CCT3: variants seen among roughly 807,000 people sequenced by gnomAD.
CCT3 encodes the protein T-complex protein 1 subunit gamma.
A neutral mutation model predicts 65.3 loss-of-function variants in CCT3; 10 were observed. The ratio of observed to expected loss-of-function variants is 0.15; its 90% CI spans 0.09 to 0.26. The LOEUF (loss-of-function observed/expected upper bound fraction) is 0.26. Ranked by LOEUF, CCT3 falls within the 10% of genes least tolerant of loss-of-function variation. The probability of loss-of-function intolerance (pLI) is 1.00; values close to 1 mark genes in which losing one functional copy is unlikely to be tolerated. For synonymous variants in CCT3, 225 were observed against 242.3 expected (o/e 0.93, Z 0.66); for missense variants, 626 against 708.7 (o/e 0.88, Z 1.33).
intron 7 of CCT3, 98 bp from the exon 8 acceptor site, chr1:156,319,115 G>GC: frequency 1.3e-6 from 1 of 778,258 alleles, no homozygotes. Context: ...AGTGTTTCAG[G>GC]TTTTTTTTTT....
At position 156,334,880 on chromosome 1, in the gene CCT3, C is replaced by G. The variant is rs766236859; in HGVS notation, c.132G>C (p.Lys44Asn). The G allele has an allele frequency of 6.2e-7, 1 of 1,614,088 alleles. No homozygotes were observed. The highest frequency in any genetic ancestry group is 1.1e-5 in the South Asian group (1 of 91,082). Residue 44 changes from lysine (K) to asparagine (N), a missense_variant, in exon 3 of 14, where the codon AAG becomes AAC. Physicochemically the swap from Lys to Asn is moderately conservative, Grantham distance 94 (BLOSUM62 0). Transcript: ENST00000295688. Reference sequence around the variant, plus strand: ...GAGATAAGCCTACCTTCATCATGGACTTGGGTCCCAAACATGTTCGGATGA... The same window carrying G: ...GAGATAAGCCTACCTTCATCATGGAGTTGGGTCCCAAACATGTTCGGATGA... ...ADIIRTCLGP[K>N]SMMKMLLDPM...
At chr1:156,311,313 A>G in intron 11 of CCT3, 118 bp from the exon 12 acceptor site, 1 of 948,136 alleles carries the variant, frequency 1.1e-6, no homozygotes, top group South Asian at 1.6e-5. Flanking sequence ...CAACTAGAAA[A>G]GGTCCTTGGA....
intron 1 of CCT3, chr1:156,337,224 A>C: frequency 2.7e-6 from 1 of 377,012 alleles, no homozygotes; most frequent in Non-Finnish European, 4.8e-6. Flanking sequence ...CCTGGTCAAC[A>C]TGGTGAAACT....
At chr1:156,310,898 C>G in intron 12 of CCT3, 52 bp downstream of exon 12, 1 of 1,587,556 alleles carries the variant, frequency 6.3e-7, no homozygotes, top group African/African-American at 1.3e-5. Flanking sequence ...CCCCTCAGGG[C>G]AAACACAGCT....
intron 5 of CCT3, among the ~76,000 whole-genome samples, chr1:156,328,013 G>A (rs1372480622): frequency 7.4e-6 from 1 of 134,384 alleles, no homozygotes; most frequent in African/African-American, 2.8e-5. Context: ...CCCTCCGTCC[G>A]GCAGCCACCC....
chr1:156,330,683 T>A (rs1378483426), intron 5 of CCT3, among the ~76,000 whole-genome samples: 1 of 149,600 alleles, frequency 6.7e-6, no homozygotes, highest in African/African-American at 2.5e-5. Flanking sequence ...TAAATAAAAT[T>A]TAAAAATAAA....
At chr1:156,317,687 G>A in intron 8 of CCT3, 140 bp from the exon 9 acceptor site, 2 of 692,720 alleles carry the variant, frequency 2.9e-6, no homozygotes, top group South Asian at 2.4e-5. Context: ...CAACACCTCT[G>A]TAAGCCAATT....
At chr1:156,328,713 A>T (rs537822238) in intron 5 of CCT3, among the ~76,000 whole-genome samples, 2 of 152,192 alleles carry the variant, frequency 1.3e-5, no homozygotes, top group East Asian at 3.9e-4. Flanking sequence ...AGGGACACAA[A>T]CACTGCGGAA....
chr1:156,321,849 C>T (rs12723297), intron 6 of CCT3, among the ~76,000 whole-genome samples: 20 of 152,198 alleles, frequency 1.3e-4, no homozygotes, highest in African/African-American at 4.1e-4. Flanking sequence ...CTCAAAAAAA[C>T]CCCAAAATAA....
At chr1:156,325,639 G>A (rs933715478) in intron 5 of CCT3, among the ~76,000 whole-genome samples, 9 of 150,400 alleles carry the variant, frequency 6.0e-5, no homozygotes, top group Admixed American at 6.7e-5. Context: ...GTGCGGTGGC[G>A]CAATCTCTGC....
At chr1:156,314,810 T>C (rs1393295342) in intron 10 of CCT3, among the ~76,000 whole-genome samples, 1 of 152,142 alleles carries the variant, frequency 6.6e-6, no homozygotes, top group Non-Finnish European at 1.5e-5. Flanking sequence ...AGGAAGATGA[T>C]GTAGAAGCAG....
intron 7 of CCT3, among the ~76,000 whole-genome samples, chr1:156,319,916 T>A (rs1664480530): frequency 6.6e-6 from 1 of 152,134 alleles, no homozygotes; most frequent in Non-Finnish European, 1.5e-5. Flanking sequence ...TAAGCTTATA[T>A]CCTGACCAAA....
rs374238456 is a variant in CCT3 at position 156,328,294 on chromosome 1, C to T, written c.305-3205G>A. 7.4e-4 allele frequency among the ~76,000 whole-genome samples: 106 copies of T among 143,890 alleles called. No individual in the cohort carries two copies. In the South Asian group the frequency reaches 0.014, roughly 19 times the overall value. The allele number at this position is 143,890 out of a possible 152,430, so 94.4% of individuals were successfully genotyped here. Reference sequence around the variant, plus strand: ...CCGGGAGGTGAGGGGCGCTTCTGCCCGGCTGCCCCTACTGGGAAGTGAGGA... The same window carrying T: ...CCGGGAGGTGAGGGGCGCTTCTGCCTGGCTGCCCCTACTGGGAAGTGAGGA... On this transcript the variant is annotated intron_variant, in intron 5 of 13. Coordinates refer to ENST00000295688, the MANE Select transcript of CCT3 (RefSeq NM_005998.5).
In CCT3 at chr1:156,312,094, C is replaced by A; in HGVS notation, c.1102G>T (p.Asp368Tyr). The stretch of plus-strand genomic sequence containing the variant: ...AGGAGAATGGTGCAGGCCTTGGGGT[C>A]TTTGCAGTCAGTGATGAAAGTAAAG... ...EYFTFITDCK[D>Y]PKACTILLRG... The change falls in exon 11 of 14, where the codon GAC becomes TAC. Residue 368 changes from aspartate to tyrosine, a missense_variant. Coordinates refer to ENST00000295688, the MANE Select transcript of CCT3 (RefSeq NM_005998.5). 1 of 1,613,808 alleles carries A rather than the reference C, an allele frequency of 6.2e-7. No individual in the cohort carries two copies. The highest frequency in any genetic ancestry group is 1.1e-5 in the South Asian group (1 of 91,066).
chr1:156,334,547 T>C (rs921279629), intron 4 of CCT3, among the ~76,000 whole-genome samples, 166 bp downstream of exon 4: 11 of 152,200 alleles, frequency 7.2e-5, no homozygotes, highest in African/African-American at 2.7e-4. Flanking sequence ...TTCAGACTTC[T>C]AGCTTCATTC....
chr1:156,337,125 C>CCGGG (rs1479854432), intron 1 of CCT3: 6 of 1,282,856 alleles, frequency 4.7e-6, no homozygotes, highest in Admixed American at 4.6e-5. Context: ...AAATAAGGGA[C>CCGGG]CGGGCGCGGT....
chr1:156,314,589 C>G (rs1664230509), intron 10 of CCT3, among the ~76,000 whole-genome samples: 1 of 152,110 alleles, frequency 6.6e-6, no homozygotes, highest in Non-Finnish European at 1.5e-5. Flanking sequence ...TGGCTCACGC[C>G]TGTAATCCCA....
chr1:156,309,160 T>C lies in CCT3; in HGVS notation c.*39A>G. On this transcript the variant is annotated 3_prime_UTR_variant, in exon 14 of 14. Coordinates refer to ENST00000295688, the MANE Select transcript of CCT3 (RefSeq NM_005998.5). ...ACTCTGGCTCAGGAAAAGGGGAGACTCTGCTGGTTCTGTGCATTGAAGTAG... is the reference window on the plus strand; with the variant it reads ...ACTCTGGCTCAGGAAAAGGGGAGACCCTGCTGGTTCTGTGCATTGAAGTAG... 7.5e-7 allele frequency: 1 copy of C among 1,327,762 alleles called. No individual in the cohort carries two copies. The highest frequency in any genetic ancestry group is 1.2e-5 in the South Asian group (1 of 85,444). The allele number at this position is 1,327,762 out of a possible 1,614,324, so 82.2% of individuals were successfully genotyped here.
Position 156,325,100 on chromosome 1 carries a change from T to G in CCT3, c.305-11A>C, listed in dbSNP as rs1399469052. On this transcript the variant is annotated splice_polypyrimidine_tract_variant and intron_variant, in intron 5 of 13. Coordinates refer to ENST00000295688, the MANE Select transcript of CCT3 (RefSeq NM_005998.5). ...ACAGCATTTCCCCTGCTGAAAAAGA[T>G]ACAAGCACCATAGTAATATTTAAAG... is the stretch of plus-strand genomic sequence containing the variant. 1 of 1,564,728 alleles carries G rather than the reference T, an allele frequency of 6.4e-7. No individual in the cohort carries two copies. Among genetic ancestry groups the G allele is most frequent in the Non-Finnish European group, 8.8e-7 (1 of 1,138,608 alleles).
Sources: gnomAD v4.1 joint callset for allele counts (sites outside exome capture counted in the v4.1 genomes callset) on GRCh38, gnomAD v4.1.1 for gene constraint, MANE v1.5 for transcripts, NCBI Gene and HGNC (gene_info 2026-07-23, HGNC 2026-07-21) for gene names.